LPIN1: variants seen among roughly 807,000 people sequenced by gnomAD.
LPIN1 encodes the protein lipin 1, also known as phosphatidate phosphatase LPIN1.
In LPIN1, 71 loss-of-function variants were observed where a neutral mutation model predicts 107.5. The observed-to-expected ratio is 0.66, with a 90% CI of 0.55 to 0.80. LPIN1 has a LOEUF of 0.80. Among genes scored for constraint, LPIN1 ranks in the 30% least tolerant of loss-of-function variants. The probability of loss-of-function intolerance (pLI) is 0.00; values close to 1 mark genes in which losing one functional copy is unlikely to be tolerated. For missense variants in LPIN1, 1,043 were observed against 1,160.6 expected (o/e 0.90, Z 1.47); for synonymous variants, 445 against 452.6 (o/e 0.98, Z 0.21).
chr2:11,789,402 C>T (rs570372720), intron 12 of LPIN1, among the ~76,000 whole-genome samples: 13 of 151,898 alleles, frequency 8.6e-5, no homozygotes, highest in Admixed American at 3.3e-4. Flanking sequence ...TGTGTGCATG[C>T]TTGTGCAGGT....
Position 11,765,407 on chromosome 2 carries a change from GA to G in LPIN1, c.-9-123del, listed in dbSNP as rs1462215911. ...ATGGGGGTGGATAGAACACATTCCG[GA>G]AATGAGAGGAGCTGAAAGTTGAGTG... is the stretch of plus-strand genomic sequence containing the variant. On this transcript the variant is annotated intron_variant, in intron 1 of 20. Transcript: ENST00000674199. This position sits in a 1 kb window ranked among gnomAD's most constrained non-coding sequence, Gnocchi z 4.4. The G allele has an allele frequency of 1.1e-6, 1 of 885,120 alleles. No individual in the cohort carries two copies. The highest frequency in any genetic ancestry group is 1.7e-5 in the African/African-American group (1 of 59,982). 54.8% of individuals were successfully genotyped at this position (885,120 alleles called of 1,614,324 possible). A position where few individuals can be genotyped will look rare whatever the true frequency, so the allele number is the denominator to read the frequency against.
At chr2:11,712,092 T>C (rs542794349) in intron 1 of LPIN1, among the ~76,000 whole-genome samples, 1 of 152,368 alleles carries the variant, frequency 6.6e-6, no homozygotes, top group South Asian at 2.1e-4. Flanking sequence ...CGCGAGGCCT[T>C]CGCCATGCCG....
At chr2:11,764,999 T>C (rs555493702) in intron 1 of LPIN1, among the ~76,000 whole-genome samples, 86 of 152,276 alleles carry the variant, frequency 5.6e-4, no homozygotes, top group African/African-American at 2.0e-3. Flanking sequence ...GTGGGCTTGC[T>C]GTGGGAGTTG....
At chr2:11,742,086 T>C (rs1161920483), upstream of LPIN1, 1 of 152,142 alleles carries the variant, frequency 6.6e-6, no homozygotes, top group East Asian at 1.9e-4. Flanking sequence ...CTCAGCCACG[T>C]GGCTGAGCTG....
intron 2 of LPIN1, among the ~76,000 whole-genome samples, chr2:11,715,348 C>G (rs750318417): frequency 9.2e-5 from 14 of 152,188 alleles, no homozygotes; most frequent in Non-Finnish European, 1.9e-4. Context: ...CTGCACAGAG[C>G]TGGGCTCCCA....
At chr2:11,708,535 C>T (rs1013122612) in intron 1 of LPIN1, among the ~76,000 whole-genome samples, 16 of 152,138 alleles carry the variant, frequency 1.1e-4, no homozygotes, top group African/African-American at 3.6e-4. Context: ...CCATGCATGC[C>T]AGACCTGGGC....
intron 18 of LPIN1, among the ~76,000 whole-genome samples, chr2:11,815,636 G>A (rs931059675): frequency 2.6e-5 from 4 of 152,038 alleles, no homozygotes; most frequent in African/African-American, 9.7e-5. Flanking sequence ...GAATCTTAAT[G>A]TCCGTTGGAC....
chr2:11,803,054 G>A lies in LPIN1; in HGVS notation c.2013+21G>A, dbSNP rs760596541. The A allele has an allele frequency of 1.4e-5, 22 of 1,611,654 alleles. No individual in the cohort carries two copies. The highest frequency in any genetic ancestry group is 2.2e-5 in the South Asian group (2 of 91,002). ...AGCTTGTGAGTCTCCCATGCTTGGC[G>A]CGGCTGTGTTGTGAGCACATGAGGT... On this transcript the variant is annotated intron_variant, in intron 15 of 20. Coordinates refer to ENST00000674199, the MANE Select transcript of LPIN1 (RefSeq NM_001349206.2). This position sits in a 1 kb window ranked among gnomAD's most constrained non-coding sequence, Gnocchi z 4.2.
chr2:11,678,905 C>T (rs1187004982), intron 1 of LPIN1, among the ~76,000 whole-genome samples: 13 of 152,200 alleles, frequency 8.5e-5, no homozygotes. Context: ...CTCGGGAGCC[C>T]CGTGCAGGTG....
chr2:11,781,507 T>G lies in LPIN1; in HGVS notation c.958-694T>G, dbSNP rs79039488. On this transcript the variant is annotated intron_variant, in intron 7 of 20. Transcript: ENST00000674199. Reference sequence around the variant, plus strand: ...AATTGCATTTTGGTTTTTGTTTGAATAAATCTTTTCTGTAACTGGAAATCC... The same window carrying G: ...AATTGCATTTTGGTTTTTGTTTGAAGAAATCTTTTCTGTAACTGGAAATCC... Among the ~76,000 whole-genome samples, 552 of 152,388 alleles carry G rather than the reference T, an allele frequency of 3.6e-3. 5 individuals carry two copies. Among genetic ancestry groups the G allele is most frequent in the African/African-American group, 0.013 (528 of 41,582 alleles).
rs117102388 is a variant in LPIN1, at chr2:11,710,290, A to T, written c.82-3466A>T. Among the ~76,000 whole-genome samples the T allele has an allele frequency of 2.2e-4, 34 of 152,304 alleles. No individual in the cohort carries two copies. The East Asian group carries it at 6.0e-3, about 27-fold the overall frequency. ...GGCAGGGGTGTGGGTGGGGACACAA[A>T]TATTTAATCCATAGCGTCACATAAG... is the stretch of plus-strand genomic sequence containing the variant. On this transcript the variant is annotated intron_variant, in intron 1 of 21. Coordinates refer to the LPIN1 transcript ENST00000449576.
At chr2:11,763,672 T>C (rs2148614038) in intron 1 of LPIN1, among the ~76,000 whole-genome samples, 1 of 152,256 alleles carries the variant, frequency 6.6e-6, no homozygotes, top group Middle Eastern at 3.4e-3. Context: ...ATCCGATGGC[T>C]TCACACAGCA....
chr2:11,757,935 G>A (rs1298150372), intron 1 of LPIN1, among the ~76,000 whole-genome samples: 10 of 144,206 alleles, frequency 6.9e-5, no homozygotes, highest in Admixed American at 6.8e-4. Flanking sequence ...CCTATTTTCC[G>A]CTTCTCCCTA....
intron 20 of LPIN1, among the ~76,000 whole-genome samples, chr2:11,823,618 A>G (rs1681938647): frequency 6.6e-6 from 1 of 152,150 alleles, no homozygotes; most frequent in Non-Finnish European, 1.5e-5. Context: ...AGCAATTTGG[A>G]ACTAGACAGT....
chr2:11,780,994 G>C (rs898548944), intron 7 of LPIN1, among the ~76,000 whole-genome samples: 1 of 152,096 alleles, frequency 6.6e-6, no homozygotes, highest in Non-Finnish European at 1.5e-5. Flanking sequence ...ATTTTATTTG[G>C]TATGCTAATG....
chr2:11,800,546 A>G lies in LPIN1; in HGVS notation c.1887-2361A>G, dbSNP rs946872872. ...CCTCAGCCTCCCAAGTAGCTGGACTATAGGCAAGAACCACCACGCCTGGCT... is the reference window on the plus strand; with the variant it reads ...CCTCAGCCTCCCAAGTAGCTGGACTGTAGGCAAGAACCACCACGCCTGGCT... On this transcript the variant is annotated intron_variant, in intron 14 of 20. Coordinates refer to ENST00000674199, the MANE Select transcript of LPIN1 (RefSeq NM_001349206.2). Among the ~76,000 whole-genome samples, 13 of 152,094 alleles carry G rather than the reference A, an allele frequency of 8.5e-5. 1 individual carries two copies. The highest frequency in any genetic ancestry group is 3.3e-4 in the Admixed American group (5 of 15,252).
intron 1 of LPIN1, among the ~76,000 whole-genome samples, chr2:11,727,900 C>T (rs192401753): frequency 6.6e-5 from 10 of 152,336 alleles, no homozygotes; most frequent in Admixed American, 5.2e-4. Flanking sequence ...ATACAGCATT[C>T]GTGAGATGCA....
At chr2:11,822,572 C>T (rs888232908) in intron 20 of LPIN1, among the ~76,000 whole-genome samples, 2 of 152,094 alleles carry the variant, frequency 1.3e-5, no homozygotes, top group Non-Finnish European at 2.9e-5. Context: ...CAGGGAAACT[C>T]CCCCTTATAA....
intron 1 of LPIN1, among the ~76,000 whole-genome samples, chr2:11,693,148 C>T (rs1662355206): frequency 6.6e-6 from 1 of 151,466 alleles, no homozygotes; most frequent in African/African-American, 2.4e-5. Context: ...CTCAAGGTCC[C>T]AGCAAGGCCA....
Sources: gnomAD v4.1 joint callset for allele counts (sites outside exome capture counted in the v4.1 genomes callset) on GRCh38, gnomAD v4.1.1 for gene constraint, Gnocchi (gnomAD v3.1) non-coding constraint, MANE v1.5 for transcripts, NCBI Gene and HGNC (gene_info 2026-07-23, HGNC 2026-07-21) for gene names.